The following WWOX variants were observed in gnomAD, a reference collection of about 807,000 sequenced individuals.
WWOX encodes WW domain-containing oxidoreductase.
A neutral mutation model predicts 46.2 loss-of-function variants in WWOX; 69 were observed. The observed-to-expected ratio is 1.49, with a 90% CI of 1.23 to 1.82. WWOX has a LOEUF of 1.82. Ranked by LOEUF, WWOX falls within the 40% of genes most tolerant of loss-of-function variation. The pLI is 0.00. For synonymous variants in WWOX, 359 were observed against 202.6 expected (o/e 1.77, Z -6.56); for missense variants, 919 against 542.6 (o/e 1.69, Z -6.89).
At chr16:79,208,683 C>T (rs968860457) in intron 8 of WWOX, among the ~76,000 whole-genome samples, 3 of 151,768 alleles carry the variant, frequency 2.0e-5, no homozygotes, top group African/African-American at 7.3e-5. Context: ...GCAGTACCTG[C>T]TTGTTTACTA....
chr16:78,724,884 T>C (rs2048788562), intron 8 of WWOX, among the ~76,000 whole-genome samples: 1 of 152,176 alleles, frequency 6.6e-6, no homozygotes, highest in Non-Finnish European at 1.5e-5. Context: ...TGTTGCTTTG[T>C]TTTTCCTTGC....
At chr16:78,693,112 G>A (rs2048027545) in intron 8 of WWOX, among the ~76,000 whole-genome samples, 1 of 152,170 alleles carries the variant, frequency 6.6e-6, no homozygotes, top group Non-Finnish European at 1.5e-5. Context: ...TCAGCAAGAT[G>A]CTTGTAAATG....
At chr16:78,968,973 A>T (rs1368632196) in intron 8 of WWOX, among the ~76,000 whole-genome samples, 1 of 151,776 alleles carries the variant, frequency 6.6e-6, no homozygotes, top group Non-Finnish European at 1.5e-5. Context: ...TTTCAAATGT[A>T]TAACAAAATA....
At chr16:78,390,341 A>T (rs928052536) in intron 6 of WWOX, among the ~76,000 whole-genome samples, 1 of 152,240 alleles carries the variant, frequency 6.6e-6, no homozygotes, top group Admixed American at 6.5e-5. Flanking sequence ...TTGGGAAATC[A>T]TCAAGTTCAA....
chr16:78,947,132 C>T (rs1567667988), intron 8 of WWOX, among the ~76,000 whole-genome samples: 1 of 149,578 alleles, frequency 6.7e-6, no homozygotes, highest in Non-Finnish European at 1.5e-5. Flanking sequence ...AAAAGGAATG[C>T]ACATTAGTCT....
intron 5 of WWOX, among the ~76,000 whole-genome samples, chr16:78,315,559 C>T (rs952301405): frequency 6.6e-6 from 1 of 151,970 alleles, no homozygotes; most frequent in Admixed American, 6.6e-5. Context: ...CTGAGGCAGG[C>T]GAATCGCTTG....
intron 5 of WWOX, among the ~76,000 whole-genome samples, chr16:78,257,352 G>T (rs1337383949): frequency 1.3e-5 from 2 of 152,200 alleles, no homozygotes; most frequent in South Asian, 2.1e-4. Flanking sequence ...CTGTAGAGCA[G>T]CAGGGTATTT....
chr16:78,357,294 G>T (rs1471402476), intron 5 of WWOX, among the ~76,000 whole-genome samples: 2 of 152,164 alleles, frequency 1.3e-5, no homozygotes, highest in East Asian at 3.9e-4. Context: ...GTTGAGACCT[G>T]ACTTTGGGAA....
At chr16:78,684,245 T>A (rs1046046403) in intron 8 of WWOX, among the ~76,000 whole-genome samples, 1 of 152,232 alleles carries the variant, frequency 6.6e-6, no homozygotes, top group Non-Finnish European at 1.5e-5. Flanking sequence ...TGGACAGATT[T>A]GCCCTTGGCT....
intron 8 of WWOX, among the ~76,000 whole-genome samples, chr16:79,049,061 T>C (rs1223957608): frequency 6.6e-6 from 1 of 152,222 alleles, no homozygotes; most frequent in African/African-American, 2.4e-5. Flanking sequence ...AAGGTTTCTA[T>C]CCTCTGACAG....
intron 8 of WWOX, among the ~76,000 whole-genome samples, chr16:78,467,369 G>C (rs538536643): frequency 6.6e-6 from 1 of 152,042 alleles, no homozygotes; most frequent in African/African-American, 2.4e-5. Flanking sequence ...ATTATAAAAT[G>C]ATCAATTCAA....
At chr16:78,398,510 T>C (rs2082339751) in intron 6 of WWOX, among the ~76,000 whole-genome samples, 1 of 152,224 alleles carries the variant, frequency 6.6e-6, no homozygotes, top group Admixed American at 6.5e-5. Flanking sequence ...GCCTCCCTTC[T>C]ACCTGCTCTT....
chr16:78,862,946 G>A (rs1460394556), intron 8 of WWOX, among the ~76,000 whole-genome samples: 3 of 150,650 alleles, frequency 2.0e-5, no homozygotes, highest in Admixed American at 1.3e-4. Flanking sequence ...AGACATCATG[G>A]TGGTTATGCC....
At chr16:78,658,916 A>T in intron 8 of WWOX, among the ~76,000 whole-genome samples, 1 of 148,878 alleles carries the variant, frequency 6.7e-6, no homozygotes, top group Non-Finnish European at 1.5e-5. Flanking sequence ...AAATGGCAAA[A>T]CCCCTTCTCT....
intron 8 of WWOX, among the ~76,000 whole-genome samples, chr16:79,130,395 A>C (rs1203554465): frequency 6.6e-6 from 1 of 152,240 alleles, no homozygotes; most frequent in Non-Finnish European, 1.5e-5. Context: ...TATTATAGGC[A>C]CAAAAGACAG....
intron 8 of WWOX, among the ~76,000 whole-genome samples, chr16:79,191,282 C>G (rs1469483122): frequency 6.6e-6 from 1 of 152,094 alleles, no homozygotes; most frequent in Admixed American, 6.5e-5. Context: ...TCTCGAACTC[C>G]TGAGCTCAGG....
chr16:79,153,927 G>A lies in WWOX; in HGVS notation c.1057-57681G>A, dbSNP rs191605890. ...GTTTTCCAGGCCTGCTGTCAGGCCA[G>A]GCTGGACTGTCCACAATTTCTTGTC... On this transcript the variant is annotated intron_variant, in intron 8 of 8. Transcript: ENST00000566780. Among the ~76,000 whole-genome samples, 8 of 151,460 alleles carry A rather than the reference G, an allele frequency of 5.3e-5. No individual in the cohort carries two copies. The East Asian group carries it at 1.6e-3, about 29-fold the overall frequency.
At chr16:78,675,850 T>A (rs764309280) in intron 8 of WWOX, among the ~76,000 whole-genome samples, 1 of 152,008 alleles carries the variant, frequency 6.6e-6, no homozygotes, top group Non-Finnish European at 1.5e-5. Flanking sequence ...TTTTTTTAAA[T>A]CATGACTTTT....
In WWOX at chr16:78,109,111, AAT is replaced by A. The variant is rs529142931; in HGVS notation, c.172+630_172+631del. ...TGTTCTTGGCTATACTATGGAATTAAATATATAAGTATTTGGAAATTTCGTAA... is the reference window on the plus strand; with the variant it reads ...TGTTCTTGGCTATACTATGGAATTAAATATAAGTATTTGGAAATTTCGTAA... On this transcript the variant is annotated intron_variant, in intron 2 of 8. Transcript: ENST00000566780. Among the ~76,000 whole-genome samples, 3 of 152,316 alleles carry A rather than the reference AAT, an allele frequency of 2.0e-5. No individual in the cohort carries two copies. The South Asian group carries it at 6.2e-4, about 32-fold the overall frequency.
Sources: allele counts gnomAD v4.1 joint callset (sites outside exome capture counted in the v4.1 genomes callset), GRCh38; gene constraint gnomAD v4.1.1; transcripts MANE v1.5; gene names NCBI Gene and HGNC (gene_info 2026-07-23, HGNC 2026-07-21).